The following HTR2C variants were observed in gnomAD, a reference collection of about 807,000 sequenced individuals.
HTR2C encodes the protein 5-hydroxytryptamine (serotonin) receptor 2C, G protein-coupled.
A neutral mutation model predicts 21.0 loss-of-function variants in HTR2C; 5 were observed. The ratio of observed to expected loss-of-function variants is 0.24; its 90% CI spans 0.12 to 0.50. The LOEUF is 0.50. Ranked by LOEUF, HTR2C falls within the 20% of genes least tolerant of loss-of-function variation. The pLI, the probability that HTR2C is intolerant of heterozygous loss-of-function variation, is 0.98. For missense variants in HTR2C, 271 were observed against 371.2 expected (o/e 0.73, Z 2.22); for synonymous variants, 150 against 145.3 (o/e 1.03, Z -0.23).
At chrX:114,629,712 G>A (rs1172540218) in intron 2 of HTR2C, among the ~76,000 whole-genome samples, 1 of 111,444 alleles carries the variant, frequency 9.0e-6, no homozygotes, top group Non-Finnish European at 1.9e-5. Context: ...CATATGTGGA[G>A]ACATGACAAT....
chrX:114,779,813 T>A (rs2070098058), intron 4 of HTR2C, among the ~76,000 whole-genome samples: 1 of 111,916 alleles, frequency 8.9e-6, no homozygotes, highest in Admixed American at 9.5e-5. Context: ...ACTTTGTAAG[T>A]TTATGAATGA....
At chrX:114,603,858 G>T (rs1232829973) in intron 1 of HTR2C, among the ~76,000 whole-genome samples, 1 of 101,818 alleles carries the variant, frequency 9.8e-6, no homozygotes. Context: ...GGCACCAAGG[G>T]GTGGATAGGC....
intron 5 of HTR2C, among the ~76,000 whole-genome samples, chrX:114,874,159 T>A (rs868945654): frequency 9.8e-6 from 1 of 102,210 alleles, no homozygotes; most frequent in Admixed American, 1.1e-4. Context: ...TGTGTGTGTG[T>A]CATATTTTCT....
intron 1 of HTR2C, among the ~76,000 whole-genome samples, chrX:114,604,675 T>A (rs1037667092): frequency 4.0e-4 from 44 of 110,803 alleles, no homozygotes; most frequent in African/African-American, 1.4e-3. Context: ...CGATTTTCAG[T>A]GGGGTCCCAC....
rs182060723 is a variant in HTR2C at position 114,732,199 on chromosome X, A to G, written c.349+592A>G. Among the ~76,000 whole-genome samples the G allele has an allele frequency of 2.3e-3, 256 of 112,005 alleles. 1 individual carries two copies. The highest frequency in any genetic ancestry group is 7.8e-3 in the African/African-American group (242 of 30,937). ...TCACTTTAAAAATTCAGGCATTGAA[A>G]GTTTCAATATATTGATTTTAAAGAG... On this transcript the variant is annotated intron_variant, in intron 4 of 5. Transcript: ENST00000276198.
At position 114,725,517 on chromosome X, in the gene HTR2C, G is replaced by T; in HGVS notation, c.-79-1341G>T. Among the ~76,000 whole-genome samples, 3 of 112,193 alleles carry T rather than the reference G, an allele frequency of 2.7e-5. 1 individual carries two copies. The Middle Eastern group carries it at 0.014, about 524-fold the overall frequency. ...GTCTGGAGCCTTCTTCTCTCAGCTC[G>T]TCAAAGTCATTCTCCATCCAGCTTT... On this transcript the variant is annotated intron_variant, in intron 2 of 5. Transcript: ENST00000276198.
At chrX:114,697,842 C>G (rs1932325497) in intron 2 of HTR2C, among the ~76,000 whole-genome samples, 1 of 112,394 alleles carries the variant, frequency 8.9e-6, no homozygotes, top group African/African-American at 3.2e-5. Context: ...AAACAATACC[C>G]ATTTGTTAGC....
chrX:114,717,395 T>C (rs782745781), intron 2 of HTR2C, among the ~76,000 whole-genome samples: 2 of 112,427 alleles, frequency 1.8e-5, no homozygotes, highest in East Asian at 5.6e-4. Context: ...TAAAAAAATT[T>C]AGTGTGAAAT....
intron 5 of HTR2C, among the ~76,000 whole-genome samples, chrX:114,862,071 G>A (rs2071010870): frequency 9.0e-6 from 1 of 110,810 alleles, no homozygotes; most frequent in East Asian, 2.8e-4. Context: ...TAATGTACAA[G>A]AGCTTTTCCT....
At chrX:114,764,845 C>T (rs2069921671) in intron 4 of HTR2C, among the ~76,000 whole-genome samples, 1 of 109,850 alleles carries the variant, frequency 9.1e-6, no homozygotes, top group South Asian at 4.0e-4. Context: ...CTTCTTAAAT[C>T]TCACTCCTTC....
intron 4 of HTR2C, among the ~76,000 whole-genome samples, chrX:114,847,331 G>A (rs1228586200): frequency 6.0e-5 from 6 of 100,541 alleles, no homozygotes; most frequent in African/African-American, 1.8e-4. Flanking sequence ...GTAAACTATC[G>A]CAAGGACAAA....
At chrX:114,856,576 A>G (rs1399583829) in intron 5 of HTR2C, among the ~76,000 whole-genome samples, 1 of 107,521 alleles carries the variant, frequency 9.3e-6, no homozygotes, top group Non-Finnish European at 1.9e-5. Flanking sequence ...AAACTATACT[A>G]CAAGGCTACA....
intron 4 of HTR2C, among the ~76,000 whole-genome samples, chrX:114,774,017 G>GTGGGTCA (rs1556437936): frequency 9.0e-6 from 1 of 111,636 alleles, no homozygotes; most frequent in Non-Finnish European, 1.9e-5. Flanking sequence ...ATTATAACCC[G>GTGGGTCA]TGGGTCAAAC....
At chrX:114,611,999 A>G (rs1420306933) in intron 1 of HTR2C, among the ~76,000 whole-genome samples, 1 of 112,079 alleles carries the variant, frequency 8.9e-6, no homozygotes, top group Non-Finnish European at 1.9e-5. Flanking sequence ...GCCTGGCCCA[A>G]AGTTTTAATC....
intron 2 of HTR2C, among the ~76,000 whole-genome samples, chrX:114,623,702 C>T (rs1929252785): frequency 9.0e-6 from 1 of 110,919 alleles, no homozygotes; most frequent in South Asian, 3.8e-4. Context: ...CTGAAATATT[C>T]AGCATACACA....
intron 2 of HTR2C, among the ~76,000 whole-genome samples, chrX:114,631,711 T>C (rs181126888): frequency 1.0e-3 from 117 of 111,675 alleles, no homozygotes; most frequent in Admixed American, 1.8e-3. Flanking sequence ...ATTCTCTGTA[T>C]ATAAACAGTC....
intron 4 of HTR2C, among the ~76,000 whole-genome samples, chrX:114,818,508 T>G (rs1049618784): frequency 8.9e-6 from 1 of 112,039 alleles, no homozygotes. Context: ...TTTTTTCAAT[T>G]GTACCCTAAT....
chrX:114,705,481 G>T (rs2147314544), intron 2 of HTR2C, among the ~76,000 whole-genome samples: 1 of 108,020 alleles, frequency 9.3e-6, no homozygotes, highest in Non-Finnish European at 1.9e-5. Flanking sequence ...TTAATAAATG[G>T]TGCTGGGAAA....
intron 4 of HTR2C, among the ~76,000 whole-genome samples, chrX:114,793,632 C>T (rs782739921): frequency 8.1e-5 from 9 of 110,613 alleles, no homozygotes; most frequent in Non-Finnish European, 1.5e-4. Context: ...ATAGGGAGTA[C>T]GGGATTGAAA....
Sources: gnomAD v4.1 joint callset for allele counts (sites outside exome capture counted in the v4.1 genomes callset) on GRCh38, gnomAD v4.1.1 for gene constraint, MANE v1.5 for transcripts, NCBI Gene and HGNC (gene_info 2026-07-23, HGNC 2026-07-21) for gene names.